The following SAMMSON variants were observed in gnomAD, a reference collection of about 807,000 sequenced individuals.
SAMMSON encodes survival associated mitochondrial melanoma specific oncogenic non-coding RNA.
chr3:70,305,801 C>A (rs1336035754), intron 7 of SAMMSON, among the ~76,000 whole-genome samples: 1 of 152,174 alleles, frequency 6.6e-6, no homozygotes, highest in Non-Finnish European at 1.5e-5. Flanking sequence ...GGGAAAGATT[C>A]TCAGTTTCTT....
At chr3:70,064,883 C>T (rs1463318381) in intron 3 of SAMMSON, among the ~76,000 whole-genome samples, 3 of 151,912 alleles carry the variant, frequency 2.0e-5, no homozygotes, top group Non-Finnish European at 4.4e-5. Context: ...TTTCTCTACC[C>T]CTGAAAAAGT....
At chr3:70,044,038 C>T (rs540062650) in intron 3 of SAMMSON, among the ~76,000 whole-genome samples, 2 of 152,006 alleles carry the variant, frequency 1.3e-5, no homozygotes, top group Non-Finnish European at 2.9e-5. Context: ...GGAAGATATT[C>T]CTACGAATTT....
At chr3:70,210,402 A>G (rs1701331769) in intron 4 of SAMMSON, among the ~76,000 whole-genome samples, 1 of 152,084 alleles carries the variant, frequency 6.6e-6, no homozygotes, top group South Asian at 2.1e-4. Flanking sequence ...ACATACACAC[A>G]TTTGAGAACC....
intron 2 of SAMMSON, among the ~76,000 whole-genome samples, chr3:70,416,178 C>G (rs533574341): frequency 6.6e-6 from 1 of 152,296 alleles, no homozygotes; most frequent in Admixed American, 6.5e-5. Flanking sequence ...AGTTCGTGGT[C>G]AAACTTGTTT....
chr3:70,219,722 G>T (rs1701445309), intron 4 of SAMMSON, among the ~76,000 whole-genome samples: 1 of 152,134 alleles, frequency 6.6e-6, no homozygotes. Context: ...TGACACTGCA[G>T]AAAATATCAT....
chr3:70,297,978 C>T (rs1251380086), intron 7 of SAMMSON, among the ~76,000 whole-genome samples: 1 of 151,964 alleles, frequency 6.6e-6, no homozygotes, highest in Admixed American at 6.6e-5. Context: ...CTTAAATAAT[C>T]AGGGGAGAAA....
chr3:70,027,130 G>A (rs1435279416), intron 3 of SAMMSON, among the ~76,000 whole-genome samples: 1 of 152,098 alleles, frequency 6.6e-6, no homozygotes, highest in African/African-American at 2.4e-5. Context: ...AATTTTCTTT[G>A]AGGTTGAGTG....
chr3:70,096,088 G>C (rs2067322094), intron 4 of SAMMSON: 1 of 152,198 alleles, frequency 6.6e-6, no homozygotes, highest in Non-Finnish European at 1.5e-5. Flanking sequence ...ACTGGGGAAG[G>C]CTCTTCCTCT....
intron 4 of SAMMSON, among the ~76,000 whole-genome samples, chr3:70,211,171 C>A (rs1040573015): frequency 1.3e-5 from 2 of 151,818 alleles, no homozygotes; most frequent in African/African-American, 4.8e-5. Context: ...TCCCATTTTC[C>A]TTTCCCTTCT....
intron 7 of SAMMSON, among the ~76,000 whole-genome samples, chr3:70,314,943 A>G (rs1369083421): frequency 6.6e-6 from 1 of 152,122 alleles, no homozygotes; most frequent in Non-Finnish European, 1.5e-5. Flanking sequence ...TTCTGTCCCA[A>G]GAGCAATCCA....
intron 7 of SAMMSON, chr3:70,311,863 A>G (rs1702456828): frequency 5.0e-6 from 2 of 397,528 alleles, no homozygotes; most frequent in Non-Finnish European, 4.4e-6. Flanking sequence ...CACCAATAGA[A>G]AATCAAGAGC....
At chr3:70,275,791 T>C (rs1312363896) in intron 6 of SAMMSON, among the ~76,000 whole-genome samples, 1 of 152,226 alleles carries the variant, frequency 6.6e-6, no homozygotes, top group Non-Finnish European at 1.5e-5. Flanking sequence ...ATAAGTGCTA[T>C]ATGAGGACCT....
intron 4 of SAMMSON, among the ~76,000 whole-genome samples, chr3:70,238,540 T>G (rs1277499620): frequency 1.3e-5 from 2 of 151,402 alleles, no homozygotes; most frequent in Non-Finnish European, 2.9e-5. Context: ...TAAGCCTGGG[T>G]GGTGAAGGCT....
intron 9 of SAMMSON, among the ~76,000 whole-genome samples, chr3:70,369,520 C>CTT (rs71126500): frequency 2.7e-4 from 39 of 145,126 alleles, no homozygotes; most frequent in Middle Eastern, 3.6e-3. Flanking sequence ...CTTTTATATT[C>CTT]TTTTTTTTTT....
chr3:70,022,131 T>C (rs922655768), intron 3 of SAMMSON, among the ~76,000 whole-genome samples: 2 of 152,122 alleles, frequency 1.3e-5, no homozygotes, highest in African/African-American at 4.8e-5. Context: ...TCCAATAATC[T>C]GTTGTCCTTG....
intron 4 of SAMMSON, among the ~76,000 whole-genome samples, chr3:70,166,483 G>C (rs533005409): frequency 7.3e-4 from 111 of 152,018 alleles, no homozygotes; most frequent in African/African-American, 2.6e-3. Flanking sequence ...CTTCCAAAAA[G>C]AACAAGATAA....
intron 7 of SAMMSON, among the ~76,000 whole-genome samples, chr3:70,307,394 G>C (rs1324957210): frequency 1.3e-5 from 2 of 152,044 alleles, no homozygotes; most frequent in Non-Finnish European, 2.9e-5. Flanking sequence ...CCTTCATCTT[G>C]ATGTTTCTCT....
intron 4 of SAMMSON, among the ~76,000 whole-genome samples, chr3:70,133,991 C>T (rs917264254): frequency 6.6e-6 from 1 of 151,724 alleles, no homozygotes; most frequent in African/African-American, 2.4e-5. Flanking sequence ...CGCCTGTAAT[C>T]CCAGCACTTT....
intron 4 of SAMMSON, among the ~76,000 whole-genome samples, chr3:70,187,427 CTTTTTTTT>C (rs928465556): frequency 4.1e-5 from 3 of 73,116 alleles, no homozygotes; most frequent in African/African-American, 6.5e-5. Flanking sequence ...GGGACCAACT[CTTTTTTTT>C]TTTTTTTTTT....
Sources: gnomAD v4.1 joint callset for allele counts (sites outside exome capture counted in the v4.1 genomes callset) on GRCh38, gnomAD v4.1.1 for gene constraint, MANE v1.5 for transcripts, NCBI Gene and HGNC (gene_info 2026-07-23, HGNC 2026-07-21) for gene names.